The following RAB31 variants were observed in gnomAD, a reference collection of about 807,000 sequenced individuals.
RAB31 encodes the protein ras-related protein Rab-31.
Under a neutral mutation model 25.6 loss-of-function variants are expected in RAB31, and 21 were observed. The observed-to-expected ratio is 0.82, with a 90% confidence interval of 0.58 to 1.18. The LOEUF is 1.18. RAB31 is among the 50% of genes most tolerant of loss of function. The pLI, the probability that RAB31 is intolerant of heterozygous loss-of-function variation, is 0.00. For synonymous variants in RAB31, 87 were observed against 84.0 expected, an observed-to-expected ratio of 1.04 and a Z score of -0.20; for missense variants, 196 against 250.1, an observed-to-expected ratio of 0.78 and a Z score of 1.46.
At chr18:9,749,534 TGTTTTCTGGTCCA>T (rs1408654734) in intron 1 of RAB31, among the ~76,000 whole-genome samples, 1 of 152,250 alleles carries the variant, frequency 6.6e-6, no homozygotes, top group Non-Finnish European at 1.5e-5. Flanking sequence ...TATGTTTTGC[TGTTTTCTGGTCCA>T]GTTCCCTAAG....
intron 5 of RAB31, among the ~76,000 whole-genome samples, chr18:9,845,130 T>A (rs1453906024): frequency 6.6e-6 from 1 of 152,236 alleles, no homozygotes; most frequent in African/African-American, 2.4e-5. Flanking sequence ...TTCCAAACTG[T>A]CACAGCACAT....
At chr18:9,857,686 T>TAGATA (rs1555693032) in intron 6 of RAB31, among the ~76,000 whole-genome samples, 10 of 114,088 alleles carry the variant, frequency 8.8e-5, no homozygotes, top group Non-Finnish European at 1.3e-4. Flanking sequence ...GATAGATAGA[T>TAGATA]GATAGATAGA....
At position 9,859,278 on chromosome 18, in the gene RAB31, A is replaced by G; in HGVS notation, c.541A>G (p.Ile181Val). 1 of 1,613,934 alleles carries G rather than the reference A, an allele frequency of 6.2e-7. No homozygotes were observed. The highest frequency in any genetic ancestry group is 8.5e-7 in the Non-Finnish European group (1 of 1,179,836). Residue 181 changes from isoleucine (I) to valine (V), a missense_variant, in exon 7 of 7, where the codon ATC becomes GTC. Physicochemically the swap from Ile to Val is conservative, Grantham distance 29 (BLOSUM62 3). Transcript: ENST00000578921. ...CCATGAAAATGGAAACAATGGAACA[A>G]TCAAAGTTGAGAAGCCAACCATGCA... ...DPHENGNNGT[I>V]KVEKPTMQAS...
chr18:9,777,778 G>A (rs1244806237), intron 2 of RAB31, among the ~76,000 whole-genome samples: 6 of 138,728 alleles, frequency 4.3e-5, no homozygotes, highest in Admixed American at 7.3e-5. Context: ...TTTTTGAGAC[G>A]GCGTCTTGCT....
intron 6 of RAB31, among the ~76,000 whole-genome samples, chr18:9,852,344 C>T (rs1003562504): frequency 3.3e-5 from 5 of 152,206 alleles, no homozygotes; most frequent in African/African-American, 1.2e-4. Context: ...AATAAACAGT[C>T]AGTGGTCAAA....
chr18:9,717,987 C>T (rs568153414), intron 1 of RAB31, among the ~76,000 whole-genome samples: 24 of 151,166 alleles, frequency 1.6e-4, no homozygotes, highest in African/African-American at 4.9e-4. Flanking sequence ...CTTGACCTCC[C>T]GGGTTCAAGC....
chr18:9,772,817 C>T (rs2068351950), intron 1 of RAB31, among the ~76,000 whole-genome samples: 1 of 152,086 alleles, frequency 6.6e-6, no homozygotes, highest in Non-Finnish European at 1.5e-5. Context: ...CACAGTTCCT[C>T]AGTGTCCAGT....
intron 6 of RAB31, among the ~76,000 whole-genome samples, chr18:9,849,816 G>T (rs2068780156): frequency 6.6e-6 from 1 of 152,214 alleles, no homozygotes; most frequent in Admixed American, 6.5e-5. Context: ...GAAATGTCGT[G>T]GTGCTTTTAA....
chr18:9,818,796 C>T (rs909150866), intron 5 of RAB31, among the ~76,000 whole-genome samples: 1 of 152,206 alleles, frequency 6.6e-6, no homozygotes, highest in African/African-American at 2.4e-5. Context: ...TCCACATCCT[C>T]ACCAACATTT....
At chr18:9,756,029 CT>C (rs1021333529) in intron 1 of RAB31, among the ~76,000 whole-genome samples, 1 of 152,194 alleles carries the variant, frequency 6.6e-6, no homozygotes, top group Non-Finnish European at 1.5e-5. Flanking sequence ...TCATTGATGA[CT>C]TTTATTTATA....
At chr18:9,843,277 G>C (rs558581210) in intron 5 of RAB31, among the ~76,000 whole-genome samples, 1 of 152,262 alleles carries the variant, frequency 6.6e-6, no homozygotes, top group East Asian at 1.9e-4. Context: ...GGGCGCAGTG[G>C]TGCAAGCCTG....
In RAB31 at chr18:9,825,630, A is replaced by G. The variant is rs376515581; in HGVS notation, c.380+10408A>G. Among the ~76,000 whole-genome samples, 47 of 152,292 alleles carry G rather than the reference A, an allele frequency of 3.1e-4. No individual in the cohort carries two copies. The East Asian group carries it at 6.2e-3, about 20-fold the overall frequency. On this transcript the variant is annotated intron_variant, in intron 5 of 6. Transcript: ENST00000578921. ...AGTGGTCCAAGGGTCATTCTCGGAA[A>G]AGCATTGCTTTCGTCAGTAGGAGTT...
intron 1 of RAB31, among the ~76,000 whole-genome samples, chr18:9,774,184 C>G (rs959870416): frequency 1.3e-5 from 2 of 152,104 alleles, no homozygotes; most frequent in Non-Finnish European, 2.9e-5. Context: ...TCCCAAATAT[C>G]GGGAACTCTA....
intron 1 of RAB31, among the ~76,000 whole-genome samples, chr18:9,769,620 C>A (rs1295123292): frequency 6.6e-6 from 1 of 152,228 alleles, no homozygotes; most frequent in East Asian, 1.9e-4. Context: ...AATATGCAAT[C>A]ATGTCATCTG....
At position 9,842,001 on chromosome 18, in the gene RAB31, C is replaced by G. The variant is rs1046849046; in HGVS notation, c.381-3581C>G. On this transcript the variant is annotated intron_variant, in intron 5 of 6. Coordinates refer to ENST00000578921, the MANE Select transcript of RAB31 (RefSeq NM_006868.4). ...GGGGCCTAATGCAGGAGCTTAGGCCCGAAACAAAGGCCTCCTATAATATTA... is the reference window on the plus strand; with the variant it reads ...GGGGCCTAATGCAGGAGCTTAGGCCGGAAACAAAGGCCTCCTATAATATTA... 2.0e-5 allele frequency among the ~76,000 whole-genome samples: 3 copies of G among 151,958 alleles called. No homozygotes were observed. In the South Asian group the frequency reaches 6.3e-4, roughly 32 times the overall value.
Position 9,784,447 on chromosome 18 carries a change from A to C in RAB31, c.120-7707A>C, listed in dbSNP as rs183736784. Among the ~76,000 whole-genome samples the C allele has an allele frequency of 8.4e-4, 128 of 152,332 alleles. 2 individuals are homozygous for C. Among genetic ancestry groups the C allele is most frequent in the African/African-American group, 2.9e-3 (120 of 41,578 alleles). ...TCGTAATAGTGAACAATAGATAACCAAAATGTCCATCGTTAGGGTATTGAA... is the reference window on the plus strand; with the variant it reads ...TCGTAATAGTGAACAATAGATAACCCAAATGTCCATCGTTAGGGTATTGAA... On this transcript the variant is annotated intron_variant, in intron 2 of 6. Coordinates refer to ENST00000578921, the MANE Select transcript of RAB31 (RefSeq NM_006868.4).
intron 1 of RAB31, among the ~76,000 whole-genome samples, chr18:9,735,153 G>C (rs1346103285): frequency 6.6e-6 from 1 of 152,098 alleles, no homozygotes; most frequent in East Asian, 1.9e-4. Context: ...AAGTAGCTGG[G>C]ATTATAGGCG....
chr18:9,711,303 G>A (rs2068016136), intron 1 of RAB31, among the ~76,000 whole-genome samples: 1 of 152,080 alleles, frequency 6.6e-6, no homozygotes, highest in South Asian at 2.1e-4. Context: ...TTCTGCATCA[G>A]CCTAGGTTTA....
chr18:9,733,356 T>C (rs1483781466), intron 1 of RAB31, among the ~76,000 whole-genome samples: 1 of 152,130 alleles, frequency 6.6e-6, no homozygotes, highest in Non-Finnish European at 1.5e-5. Context: ...AGATGTGGCA[T>C]ATATGGTGTA....
Sources: gnomAD v4.1 joint callset for allele counts (sites outside exome capture counted in the v4.1 genomes callset) on GRCh38, gnomAD v4.1.1 for gene constraint, MANE v1.5 for transcripts, NCBI Gene and HGNC (gene_info 2026-07-23, HGNC 2026-07-21) for gene names.